The following NBDY variants were observed in gnomAD, a reference collection of about 807,000 sequenced individuals.
NBDY encodes the protein negative regulator of P-body association.
intron 2 of NBDY, among the ~76,000 whole-genome samples, chrX:56,749,155 G>T (rs2069571301): frequency 9.1e-6 from 1 of 110,215 alleles, no homozygotes; most frequent in Admixed American, 9.7e-5. Context: ...ATAATCCTGA[G>T]AGGGTGATTG....
intron 2 of NBDY, among the ~76,000 whole-genome samples, chrX:56,746,695 A>G (rs946455237): frequency 4.5e-5 from 5 of 110,018 alleles, no homozygotes; most frequent in African/African-American, 1.7e-4. Flanking sequence ...GCCACTGTAG[A>G]TCTGTAGATC....
intron 2 of NBDY, among the ~76,000 whole-genome samples, chrX:56,797,160 CCTTCTT>C (rs201280862): frequency 3.8e-5 from 4 of 104,944 alleles, no homozygotes; most frequent in East Asian, 6.0e-4. Flanking sequence ...CCCTCCTTCT[CCTTCTT>C]CTTCTTCCTC....
chrX:56,801,887 C>G (rs764857144), intron 2 of NBDY, among the ~76,000 whole-genome samples: 1 of 110,364 alleles, frequency 9.1e-6, no homozygotes, highest in African/African-American at 3.3e-5. Flanking sequence ...CCCCGACAAC[C>G]ACAAATATAA....
In NBDY at chrX:56,754,421, C is replaced by T. The variant is rs1051716404; in HGVS notation, c.*166+22222C>T. On this transcript the variant is annotated intron_variant, in intron 2 of 2. Transcript: ENST00000374922. ...CACTTCATCTAACAACAGGAATATA[C>T]ACATTTTTCTCAAGTGCCATGGAAC... Among the ~76,000 whole-genome samples the T allele has an allele frequency of 3.6e-5, 4 of 111,595 alleles. No homozygotes were observed. In the Admixed American group the frequency reaches 3.8e-4, roughly 11 times the overall value.
chrX:56,765,304 T>C (rs1209311700), intron 2 of NBDY, among the ~76,000 whole-genome samples: 4 of 112,136 alleles, frequency 3.6e-5, no homozygotes, highest in Non-Finnish European at 7.5e-5. Flanking sequence ...TCCCCGTTTT[T>C]CATCTTATTC....
At chrX:56,789,473 C>T (rs190021627) in intron 2 of NBDY, among the ~76,000 whole-genome samples, 43 of 112,437 alleles carry the variant, frequency 3.8e-4, no homozygotes, top group African/African-American at 1.2e-3. Context: ...AAGCAAGAGA[C>T]CAGGCCTCAT....
intron 2 of NBDY, among the ~76,000 whole-genome samples, chrX:56,744,989 C>A (rs2069549749): frequency 9.0e-6 from 1 of 111,550 alleles, no homozygotes; most frequent in Non-Finnish European, 1.9e-5. Context: ...CTCCTTTTCA[C>A]TTAAAGGAAG....
chrX:56,790,187 T>C lies in NBDY; in HGVS notation c.*167-27133T>C, dbSNP rs188647971. On this transcript the variant is annotated intron_variant, in intron 2 of 2. Coordinates refer to ENST00000374922, the MANE Select transcript of NBDY (RefSeq NM_001348129.2). ...AGCCATGACCGCGTTGCTCTAAAGGTTACATATGCTACCCATGCTGCTTGA... is the reference window on the plus strand; with the variant it reads ...AGCCATGACCGCGTTGCTCTAAAGGCTACATATGCTACCCATGCTGCTTGA... Among the ~76,000 whole-genome samples the C allele has an allele frequency of 1.2e-4, 13 of 112,725 alleles. 1 individual carries two copies. In the East Asian group the frequency reaches 3.6e-3, roughly 31 times the overall value.
chrX:56,816,821 A>G (rs1286179093), intron 2 of NBDY, among the ~76,000 whole-genome samples: 1 of 111,357 alleles, frequency 9.0e-6, no homozygotes, highest in African/African-American at 3.3e-5. Flanking sequence ...AAAGTTTAGC[A>G]GTAAGAAGAA....
intron 2 of NBDY, among the ~76,000 whole-genome samples, chrX:56,748,217 C>T (rs1298025039): frequency 8.9e-6 from 1 of 111,849 alleles, no homozygotes; most frequent in African/African-American, 3.2e-5. Flanking sequence ...TAACTGAGGA[C>T]TCTAGCCTAG....
chrX:56,804,505 T>C (rs1325849670), intron 2 of NBDY, among the ~76,000 whole-genome samples: 2 of 112,256 alleles, frequency 1.8e-5, no homozygotes, highest in South Asian at 3.7e-4. Context: ...CACCAGTTAA[T>C]TCCCCGGGCA....
intron 2 of NBDY, among the ~76,000 whole-genome samples, chrX:56,812,235 G>C (rs1223831382): frequency 1.1e-5 from 1 of 92,190 alleles, no homozygotes; most frequent in Non-Finnish European, 2.1e-5. Context: ...TATCTTCACT[G>C]TCTTTACTTT....
chrX:56,743,662 T>G (rs2146715498), intron 2 of NBDY, among the ~76,000 whole-genome samples: 1 of 111,267 alleles, frequency 9.0e-6, no homozygotes, highest in South Asian at 3.7e-4. Context: ...TATTTGGATC[T>G]TCCCTCTTTT....
At chrX:56,767,569 C>T (rs1323210155) in intron 2 of NBDY, among the ~76,000 whole-genome samples, 1 of 113,198 alleles carries the variant, frequency 8.8e-6, no homozygotes, top group Non-Finnish European at 1.9e-5. Flanking sequence ...ATGAGCTCGG[C>T]GGGCCCCGCA....
At chrX:56,799,950 A>G (rs1293560845) in intron 2 of NBDY, among the ~76,000 whole-genome samples, 1 of 108,241 alleles carries the variant, frequency 9.2e-6, no homozygotes, top group Non-Finnish European at 1.9e-5. Flanking sequence ...AAGAAATGCT[A>G]TGCTTTTGCT....
intron 2 of NBDY, among the ~76,000 whole-genome samples, chrX:56,744,019 A>G (rs1436753364): frequency 9.1e-6 from 1 of 110,265 alleles, no homozygotes; most frequent in African/African-American, 3.3e-5. Context: ...TGTTTCCATT[A>G]TCATTTGTTT....
At chrX:56,809,042 G>T (rs771250480) in intron 2 of NBDY, among the ~76,000 whole-genome samples, 16 of 112,533 alleles carry the variant, frequency 1.4e-4, no homozygotes, top group Non-Finnish European at 2.1e-4. Context: ...GATGCAGGCT[G>T]TTCAGTTTTC....
intron 2 of NBDY, among the ~76,000 whole-genome samples, chrX:56,809,603 G>A (rs1313772883): frequency 3.6e-5 from 4 of 111,703 alleles, no homozygotes; most frequent in Non-Finnish European, 7.5e-5. Flanking sequence ...CTTTCCATTT[G>A]CTTGGTAAGT....
chrX:56,810,658 T>C (rs973549382), intron 2 of NBDY, among the ~76,000 whole-genome samples: 1 of 110,576 alleles, frequency 9.0e-6, no homozygotes, highest in Non-Finnish European at 1.9e-5. Flanking sequence ...TCTAACCTTT[T>C]TTCAAGGTTC....
Sources: allele counts gnomAD v4.1 joint callset (sites outside exome capture counted in the v4.1 genomes callset), GRCh38; gene constraint gnomAD v4.1.1; transcripts MANE v1.5; gene names NCBI Gene and HGNC (gene_info 2026-07-23, HGNC 2026-07-21).